Variants in TRIM49B observed in about 807,000 individuals in gnomAD.
TRIM49B encodes putative tripartite motif-containing protein 49B.
TRIM49B carries 18 observed loss-of-function variants against 31.8 expected under a neutral mutation model. That is an observed-to-expected ratio of 0.57 (90% confidence interval 0.39 to 0.84). The LOEUF (loss-of-function observed/expected upper bound fraction) is 0.84. TRIM49B is among the 40% of genes least tolerant of loss of function. TRIM49B has a pLI of 0.00. For synonymous variants in TRIM49B, 196 were observed against 180.6 expected (o/e 1.09, Z -0.68); for missense variants, 494 against 538.7 (o/e 0.92, Z 0.82).
intron 5 of TRIM49B, among the ~76,000 whole-genome samples, chr11:49,035,796 G>C (rs1444939170): frequency 6.6e-6 from 1 of 152,094 alleles, no homozygotes; most frequent in Non-Finnish European, 1.5e-5. Context: ...TTGATGTTTT[G>C]TTTTTTATAC....
chr11:49,038,060 A>G lies in TRIM49B; in HGVS notation c.*83A>G, dbSNP rs1471005914. ...TCCTCTTCCTTGTGCCTTAACATAC[A>G]GGACAAATAGGCTCTATTTTATATC... On this transcript the variant is annotated 3_prime_UTR_variant, in exon 7 of 7. Transcript: ENST00000332682. 6.4e-7 allele frequency: 1 copy of G among 1,559,806 alleles called. No individual in the cohort carries two copies. Among genetic ancestry groups the G allele is most frequent in the Non-Finnish European group, 8.6e-7 (1 of 1,160,652 alleles).
At chr11:49,033,928 GA>G (rs1210767282) in intron 3 of TRIM49B, among the ~76,000 whole-genome samples, 2 of 152,028 alleles carry the variant, frequency 1.3e-5, no homozygotes, top group African/African-American at 2.4e-5. Flanking sequence ...AACTATCTTA[GA>G]AAACACATTA....
intron 3 of TRIM49B, 83 bp from the exon 4 acceptor site, chr11:49,034,063 T>C (rs1854488027): frequency 6.2e-7 from 1 of 1,606,694 alleles, no homozygotes; most frequent in Non-Finnish European, 8.5e-7. Flanking sequence ...CTATTGGACA[T>C]TCGAGAGACA....
At chr11:49,035,519 C>T (rs934006437) in intron 5 of TRIM49B, among the ~76,000 whole-genome samples, 2 of 151,768 alleles carry the variant, frequency 1.3e-5, no homozygotes, top group South Asian at 2.1e-4. Flanking sequence ...GCCACCACAC[C>T]CGGCTAATTT....
At chr11:49,037,377 A>C in intron 6 of TRIM49B, 101 bp from the exon 7 acceptor site, 1 of 1,456,056 alleles carries the variant, frequency 6.9e-7, no homozygotes, top group East Asian at 2.5e-5. Context: ...TTACAAGCAA[A>C]ACTTTTTATG....
At chr11:49,034,438 T>C (rs1234154721) in intron 4 of TRIM49B, 62 bp downstream of exon 4, 4 of 1,611,650 alleles carry the variant, frequency 2.5e-6, no homozygotes, top group Non-Finnish European at 3.4e-6. Context: ...ATTTTCCTCA[T>C]GGCTGAAATC....
In TRIM49B at chr11:49,031,818, G is replaced by A. The variant is rs1445323510; in HGVS notation, c.219G>A (p.Met73Ile). The A allele has an allele frequency of 1.2e-6, 2 of 1,613,970 alleles. No homozygotes were observed. The highest frequency in any genetic ancestry group is 1.7e-6 in the Non-Finnish European group (2 of 1,179,870). ...AAACCAACATTCATTTCAAGAAGAT[G>A]GCTTCTCTTGCTAGAAAAGTCAGTC... Reference protein sequence around the residue: ...NLKTNIHFKKMASLARKVSLW... With the variant: ...NLKTNIHFKKIASLARKVSLW... The change falls in exon 2 of 7, where the codon ATG becomes ATA. Residue 73 changes from methionine to isoleucine, a missense_variant. By Grantham distance (10) the Met-to-Ile change is conservative. Around this residue, in one of 3 missense-constraint regions of TRIM49B, gnomAD observed 251 missense variants for 232.8 expected, o/e 1.08. Coordinates refer to ENST00000332682, the MANE Select transcript of TRIM49B (RefSeq NM_001206626.2).
rs1303037031 is a variant in TRIM49B, at chr11:49,037,925, A to T, written c.1307A>T (p.Asn436Ile). 3 of 1,613,210 alleles carry T rather than the reference A, an allele frequency of 1.9e-6. No homozygotes were observed. The highest frequency in any genetic ancestry group is 1.7e-5 in the Admixed American group (1 of 59,970). The change falls in exon 7 of 7, where the codon AAT becomes ATT. Residue 436 changes from asparagine (N) to isoleucine (I), a missense_variant. Physicochemically the swap from Asn to Ile is moderately radical, Grantham distance 149. Transcript: ENST00000332682. ...AGCTCCCTAATATACACCATCCCTAATTGCTCTTTCTCACCTCCTCTCAGG... is the reference window on the plus strand; with the variant it reads ...AGCTCCCTAATATACACCATCCCTATTTGCTCTTTCTCACCTCCTCTCAGG... Reference protein sequence around the residue: ...NQSSLIYTIPNCSFSPPLRPI... With the variant: ...NQSSLIYTIPICSFSPPLRPI...
intron 2 of TRIM49B, 80 bp downstream of exon 2, chr11:49,032,090 A>G (rs940875075): frequency 2.9e-5 from 46 of 1,609,036 alleles, no homozygotes; most frequent in Middle Eastern, 4.5e-4. Context: ...AGATTGGATA[A>G]AACAAACTCT....
In TRIM49B at chr11:49,029,259, T is replaced by C. The variant is rs967255236; in HGVS notation, c.-5+284T>C. ...ATATATATGTACACATAGGTGTGTG[T>C]GTATATGTATATAATGAGTGTATTA... On this transcript the variant is annotated intron_variant, in intron 1 of 6. Transcript: ENST00000332682. Among the ~76,000 whole-genome samples, 19 of 152,230 alleles carry C rather than the reference T, an allele frequency of 1.2e-4. 1 individual carries two copies. Among genetic ancestry groups the C allele is most frequent in the Non-Finnish European group, 2.6e-4 (18 of 68,042 alleles).
intron 1 of TRIM49B, 139 bp from the exon 2 acceptor site, chr11:49,031,457 T>C (rs1854444342): frequency 1.4e-6 from 2 of 1,464,088 alleles, no homozygotes; most frequent in Admixed American, 2.4e-5. Context: ...ATTTTTAAGT[T>C]TGTAACAGAA....
rs1373614642 is a variant in TRIM49B, at chr11:49,037,906, C to T, written c.1288C>T (p.Leu430=). 1 of 1,613,664 alleles carries T rather than the reference C, an allele frequency of 6.2e-7. No homozygotes were observed. The highest frequency in any genetic ancestry group is 8.5e-7 in the Non-Finnish European group (1 of 1,179,766). The part of the protein sequence containing the change: ...VSFVDVNQSS[L]IYTIPNCSFS... Reference sequence around the variant, plus strand: ...CTTTGTTGATGTTAATCAAAGCTCCCTAATATACACCATCCCTAATTGCTC... The same window carrying T: ...CTTTGTTGATGTTAATCAAAGCTCCTTAATATACACCATCCCTAATTGCTC... The change falls in exon 7 of 7, where the codon CTA becomes TTA. Residue 430 remains leucine (L), a synonymous_variant. Coordinates refer to ENST00000332682, the MANE Select transcript of TRIM49B (RefSeq NM_001206626.2).
Position 49,037,839 on chromosome 11 carries a change from C to T in TRIM49B, c.1221C>T (p.Ser407=). The T allele has an allele frequency of 6.2e-7, 1 of 1,613,928 alleles. No homozygotes were observed. The highest frequency in any genetic ancestry group is 8.5e-7 in the Non-Finnish European group (1 of 1,179,850). The part of the protein sequence containing the change: ...LLLQYIPRPT[S]RVGLFLDCEA... ...TGCAATATATCCCAAGACCTACCAG[C>T]CGAGTAGGATTATTCCTGGATTGTG... The change falls in exon 7 of 7, where the codon AGC becomes AGT. Residue 407 remains serine, a synonymous_variant. Coordinates refer to ENST00000332682, the MANE Select transcript of TRIM49B (RefSeq NM_001206626.2).
At chr11:49,037,210 C>G (rs1479479917) in intron 6 of TRIM49B, among the ~76,000 whole-genome samples, 1 of 152,086 alleles carries the variant, frequency 6.6e-6, no homozygotes, top group Non-Finnish European at 1.5e-5. Flanking sequence ...ACATTTAGGG[C>G]ATACAATGTA....
chr11:49,029,356 A>G (rs984317786), intron 1 of TRIM49B, among the ~76,000 whole-genome samples: 4 of 152,238 alleles, frequency 2.6e-5, no homozygotes, highest in Non-Finnish European at 5.9e-5. Context: ...TTCAGGTTTT[A>G]GACTTGACTT....
In TRIM49B at chr11:49,031,910, G is replaced by T; in HGVS notation, c.311G>T (p.Cys104Phe). The T allele has an allele frequency of 6.2e-7, 1 of 1,612,570 alleles. No individual in the cohort carries two copies. Among genetic ancestry groups the T allele is most frequent in the South Asian group, 1.1e-5 (1 of 91,006 alleles). The change falls in exon 2 of 7, where the codon TGT becomes TTT. Residue 104 changes from cysteine (C) to phenylalanine (F), a missense_variant. Cys to Phe is a radical substitution (Grantham distance 205, BLOSUM62 -2). Around this residue, in one of 3 missense-constraint regions of TRIM49B, gnomAD observed 251 missense variants for 232.8 expected, o/e 1.08. Coordinates refer to ENST00000332682, the MANE Select transcript of TRIM49B (RefSeq NM_001206626.2). ...GTHRETKKMF[C>F]EVDRSLLCLL... Reference sequence around the variant, plus strand: ...CACAGGGAGACAAAGAAGATGTTCTGTGAAGTGGACAGGAGCCTGCTCTGT... The same window carrying T: ...CACAGGGAGACAAAGAAGATGTTCTTTGAAGTGGACAGGAGCCTGCTCTGT...
chr11:49,032,401 G>A (rs1275013863), intron 3 of TRIM49B, 30 bp downstream of exon 3: 8 of 1,611,550 alleles, frequency 5.0e-6, no homozygotes, highest in Non-Finnish European at 6.8e-6. Context: ...ACCTTCTCCA[G>A]GAACTTATGG....
chr11:49,036,237 A>G (rs1339501229), intron 5 of TRIM49B, 64 bp from the exon 6 acceptor site: 39 of 1,599,648 alleles, frequency 2.4e-5, no homozygotes, highest in African/African-American at 4.0e-5. Flanking sequence ...TCTTTTACAT[A>G]CAAATAGTGA....
rs1854452200 is a variant in TRIM49B at position 49,031,801 on chromosome 11, A to T, written c.202A>T (p.Ile68Phe). Residue 68 changes from isoleucine (I) to phenylalanine (F), a missense_variant, in exon 2 of 7, where the codon ATT becomes TTT. Physicochemically the swap from Ile to Phe is conservative, Grantham distance 21. Transcript: ENST00000332682. ...AGGGCAGATAAACCTCAAAACCAAC[A>T]TTCATTTCAAGAAGATGGCTTCTCT... ...STGQINLKTN[I>F]HFKKMASLAR... The T allele has an allele frequency of 3.7e-6, 6 of 1,613,998 alleles. No homozygotes were observed. The highest frequency in any genetic ancestry group is 4.2e-6 in the Non-Finnish European group (5 of 1,179,870).
Sources: allele counts gnomAD v4.1 joint callset (sites outside exome capture counted in the v4.1 genomes callset), GRCh38; gene constraint gnomAD v4.1.1; regional missense constraint gnomAD v4.1.1; transcripts MANE v1.5; gene names NCBI Gene and HGNC (gene_info 2026-07-23, HGNC 2026-07-21).